The following SYT2 variants were observed in gnomAD, a reference collection of about 807,000 sequenced individuals.
SYT2 encodes synaptotagmin 2.
SYT2 carries 15 observed loss-of-function variants against 39.9 expected under a neutral mutation model. The ratio of observed to expected loss-of-function variants is 0.38; its 90% CI spans 0.25 to 0.58. SYT2 has a LOEUF of 0.58. SYT2 is among the 20% of genes least tolerant of loss of function. SYT2 has a pLI of 0.70. For synonymous variants in SYT2, 181 were observed against 204.5 expected, an observed-to-expected ratio of 0.89 and a Z score of 0.98; for missense variants, 389 against 530.3, an observed-to-expected ratio of 0.73 and a Z score of 2.62.
chr1:202,702,730 G>A (rs544223281), intron 1 of SYT2, among the ~76,000 whole-genome samples: 24 of 152,312 alleles, frequency 1.6e-4, no homozygotes, highest in East Asian at 3.9e-4. Context: ...TGACCGGGCC[G>A]TCACTTGGTC....
chr1:202,678,374 C>T (rs1653437666), intron 1 of SYT2, among the ~76,000 whole-genome samples: 1 of 148,892 alleles, frequency 6.7e-6, no homozygotes, highest in African/African-American at 2.5e-5. Context: ...AAATATGGCA[C>T]TGCAAAGATT....
Position 202,601,692 on chromosome 1 carries a change from A to T in SYT2, c.801+198T>A, listed in dbSNP as rs1690508637. Among the ~76,000 whole-genome samples the T allele has an allele frequency of 1.3e-5, 2 of 152,188 alleles. No homozygotes were observed. Among genetic ancestry groups the T allele is most frequent in the Non-Finnish European group, 2.9e-5 (2 of 68,028 alleles). ...GCAGGTAATGAATCCTCATCTGTAAAAAAAGACTAAAGGAGGGAACCCGAG... is the reference window on the plus strand; with the variant it reads ...GCAGGTAATGAATCCTCATCTGTAATAAAAGACTAAAGGAGGGAACCCGAG... On this transcript the variant is annotated intron_variant, in intron 6 of 8. Transcript: ENST00000367268. The surrounding 1 kb of genome is among the most constrained non-coding windows in gnomAD (Gnocchi z 4.0).
In SYT2 at chr1:202,600,430, G is replaced by A. The variant is rs374302028; in HGVS notation, c.846C>T (p.Pro282=). Residue 282 remains proline (P), a synonymous_variant, in exon 7 of 9, where the codon CCC becomes CCT. Coordinates refer to ENST00000367268, the MANE Select transcript of SYT2 (RefSeq NM_177402.5). The stretch of plus-strand genomic sequence containing the variant: ...TGCAGACAGTGAGCTTCCCGGCCGT[G>A]GGCACATAGCGCAGGGAGGTGCAGA... ...GDICTSLRYV[P]TAGKLTVCIL... 1.2e-6 allele frequency: 2 copies of A among 1,614,094 alleles called. No homozygotes were observed. The highest frequency in any genetic ancestry group is 1.7e-6 in the Non-Finnish European group (2 of 1,180,042).
In SYT2 at chr1:202,696,417, C is replaced by T. The variant is rs574365704; in HGVS notation, c.-18+13841G>A. ...CATCATGTTCCCCACCCTGCTAAGC[C>T]CCCATTATAAACACTCAAAGTATTA... On this transcript the variant is annotated intron_variant, in intron 1 of 8. Coordinates refer to ENST00000367268, the MANE Select transcript of SYT2 (RefSeq NM_177402.5). 6.6e-5 allele frequency among the ~76,000 whole-genome samples: 10 copies of T among 152,304 alleles called. No individual in the cohort carries two copies. The South Asian group carries it at 8.3e-4, about 13-fold the overall frequency.
intron 1 of SYT2, among the ~76,000 whole-genome samples, chr1:202,685,654 G>A (rs557608996): frequency 9.2e-5 from 14 of 152,194 alleles, no homozygotes; most frequent in East Asian, 1.9e-4. Flanking sequence ...CTTGGAAGCC[G>A]GTGTCTGGGT....
chr1:202,629,871 G>GT (rs1020885655), intron 1 of SYT2, among the ~76,000 whole-genome samples: 5 of 124,912 alleles, frequency 4.0e-5, no homozygotes, highest in Non-Finnish European at 7.2e-5. Context: ...AGCTGGTGGG[G>GT]GGGGGGGGGT....
chr1:202,614,693 T>C lies in SYT2; in HGVS notation c.-17-8904A>G, dbSNP rs1203372763. On this transcript the variant is annotated intron_variant, in intron 1 of 8. Transcript: ENST00000367268. This position sits in a 1 kb window ranked among gnomAD's most constrained non-coding sequence, Gnocchi z 4.0. ...GATGATTGAACTGAGACCTGAAGGG[T>C]GAGTATTTATCCAGGTAAAGAGGAG... Among the ~76,000 whole-genome samples, 1 of 151,870 alleles carries C rather than the reference T, an allele frequency of 6.6e-6. No homozygotes were observed. The highest frequency in any genetic ancestry group is 1.9e-4 in the East Asian group (1 of 5,168).
intron 1 of SYT2, among the ~76,000 whole-genome samples, chr1:202,659,231 C>T (rs1434067285): frequency 1.3e-5 from 2 of 152,200 alleles, no homozygotes; most frequent in Non-Finnish European, 2.9e-5. Context: ...CATGCTACCT[C>T]TGTCCGTGTT....
At chr1:202,704,037 C>A (rs919374134) in intron 1 of SYT2, among the ~76,000 whole-genome samples, 6 of 152,332 alleles carry the variant, frequency 3.9e-5, no homozygotes, top group South Asian at 4.1e-4. Context: ...CTCGGGGGAG[C>A]TTTCCTGACT....
chr1:202,629,868 G>GGGGC (rs1691523257), intron 1 of SYT2, among the ~76,000 whole-genome samples: 1 of 28,802 alleles, frequency 3.5e-5, no homozygotes, highest in Non-Finnish European at 7.9e-5. Context: ...GGCAGCTGGT[G>GGGGC]GGGGGGGGGG....
At chr1:202,643,166 C>T (rs1691970083) in intron 1 of SYT2, 1 of 152,408 alleles carries the variant, frequency 6.6e-6, no homozygotes, top group Non-Finnish European at 1.5e-5. Context: ...TTGGCGACCC[C>T]GCGTCCGCCC....
Position 202,595,370 on chromosome 1 carries a change from A to G in SYT2, c.*1387T>C, listed in dbSNP as rs1690251785. ...GGATGCCCTTTGTTTCTTAGCATTC[A>G]TAGAGAGAAGCCCCCTAATGGTAGG... is the stretch of plus-strand genomic sequence containing the variant. On this transcript the variant is annotated 3_prime_UTR_variant, in exon 9 of 9. Transcript: ENST00000367268. 1 of 152,246 alleles carries G rather than the reference A, an allele frequency of 6.6e-6. No homozygotes were observed. The highest frequency in any genetic ancestry group is 1.5e-5 in the Non-Finnish European group (1 of 68,054). The allele number at this position is 152,246 out of a possible 1,614,324, so 9.4% of individuals were successfully genotyped here. A position where few individuals can be genotyped will look rare whatever the true frequency, so the allele number is the denominator to read the frequency against.
At chr1:202,705,993 T>G (rs1654240791) in intron 1 of SYT2, among the ~76,000 whole-genome samples, 1 of 152,060 alleles carries the variant, frequency 6.6e-6, no homozygotes, top group Admixed American at 6.6e-5. Context: ...GCACCTGGCC[T>G]GGGGAGTCCT....
chr1:202,657,232 C>A (rs966377832), intron 1 of SYT2, among the ~76,000 whole-genome samples: 1 of 152,194 alleles, frequency 6.6e-6, no homozygotes, highest in African/African-American at 2.4e-5. Flanking sequence ...TCTGGCACAG[C>A]CAGTCCAAGC....
At chr1:202,617,477 C>A (rs12566760) in intron 1 of SYT2, among the ~76,000 whole-genome samples, 1 of 152,010 alleles carries the variant, frequency 6.6e-6, no homozygotes, top group East Asian at 1.9e-4. Flanking sequence ...TCTCCAGAAG[C>A]CGAGCAGATG....
At chr1:202,625,665 C>A (rs989753144) in intron 1 of SYT2, among the ~76,000 whole-genome samples, 1 of 152,104 alleles carries the variant, frequency 6.6e-6, no homozygotes, top group Non-Finnish European at 1.5e-5. Flanking sequence ...CAAGCCAGGC[C>A]CACGCCCTCC....
At chr1:202,686,539 T>A (rs944056421) in intron 1 of SYT2, among the ~76,000 whole-genome samples, 16 of 152,094 alleles carry the variant, frequency 1.1e-4, no homozygotes, top group Non-Finnish European at 2.1e-4. Flanking sequence ...AGAAGTGGCA[T>A]GATAATGGGG....
At chr1:202,702,757 A>G (rs2149122173) in intron 1 of SYT2, among the ~76,000 whole-genome samples, 1 of 152,316 alleles carries the variant, frequency 6.6e-6, no homozygotes, top group East Asian at 1.9e-4. Context: ...AGTTGGTACA[A>G]TGAAAGATAC....
intron 1 of SYT2, among the ~76,000 whole-genome samples, chr1:202,690,238 A>G (rs1240551758): frequency 1.3e-5 from 2 of 152,178 alleles, no homozygotes; most frequent in Admixed American, 1.3e-4. Context: ...CACTGAACAG[A>G]TGCCCAGCAA....
Sources: gnomAD v4.1 joint callset for allele counts (sites outside exome capture counted in the v4.1 genomes callset) on GRCh38, gnomAD v4.1.1 for gene constraint, Gnocchi (gnomAD v3.1) non-coding constraint, MANE v1.5 for transcripts, NCBI Gene and HGNC (gene_info 2026-07-23, HGNC 2026-07-21) for gene names.